Variants in NCOA2 observed in about 807,000 individuals in gnomAD.
The protein encoded by NCOA2 is nuclear receptor coactivator 2.
In NCOA2, 21 loss-of-function variants were observed where a neutral mutation model predicts 145.1. That is an observed-to-expected ratio of 0.14 (90% CI 0.10 to 0.21). The LOEUF is 0.21. Ranked by LOEUF, NCOA2 falls within the 10% of genes least tolerant of loss-of-function variation. The pLI, the probability that NCOA2 is intolerant of heterozygous loss-of-function variation, is 1.00. For missense variants in NCOA2, 1,472 were observed against 1,837.6 expected, an observed-to-expected ratio of 0.80 and a Z score of 3.64; for synonymous variants, 619 against 637.5, an observed-to-expected ratio of 0.97 and a Z score of 0.44.
chr8:70,362,820 GA>G (rs1810327459), intron 1 of NCOA2, among the ~76,000 whole-genome samples: 1 of 152,170 alleles, frequency 6.6e-6, no homozygotes, highest in East Asian at 1.9e-4. Flanking sequence ...GCTCACACCT[GA>G]AATCCCAGCA....
rs1352333994 is a variant in NCOA2 at position 70,166,588 on chromosome 8, C to T, written c.708G>A (p.Lys236=). Residue 236 remains lysine (K), a synonymous_variant, in exon 7 of 23, where the codon AAG becomes AAA. Coordinates refer to ENST00000452400, the MANE Select transcript of NCOA2 (RefSeq NM_006540.4). ...CACCTTCTCCTTCTTCTTTGATGGA[C>T]TTTGGTTGAGAGACAGCGAAGCACT... The part of the protein sequence containing the change: ...TMQCFAVSQP[K]SIKEEGEDLQ... 1.9e-5 allele frequency: 30 copies of T among 1,613,874 alleles called. No individual in the cohort carries two copies. The highest frequency in any genetic ancestry group is 2.3e-5 in the Non-Finnish European group (27 of 1,179,892).
chr8:70,403,585 T>C lies in NCOA2; in HGVS notation c.-77+115A>G, dbSNP rs574768444. 15 of 313,132 alleles carry C rather than the reference T, an allele frequency of 4.8e-5. No individual in the cohort carries two copies. In the East Asian group the frequency reaches 7.2e-4, roughly 15 times the overall value. 19.4% of individuals were successfully genotyped at this position (313,132 alleles called of 1,614,324 possible). A position where few individuals can be genotyped will look rare whatever the true frequency, so the allele number is the denominator to read the frequency against. On this transcript the variant is annotated intron_variant, in intron 1 of 22. Transcript: ENST00000452400. ...AAACAGCCTCTCGGAGGCGCACGGCTCTGTCGGAGCTCGGCGCAGGAAGGG... is the reference window on the plus strand; with the variant it reads ...AAACAGCCTCTCGGAGGCGCACGGCCCTGTCGGAGCTCGGCGCAGGAAGGG...
intron 2 of NCOA2, among the ~76,000 whole-genome samples, chr8:70,230,137 T>C (rs1821007779): frequency 6.6e-6 from 1 of 152,174 alleles, no homozygotes; most frequent in Non-Finnish European, 1.5e-5. Context: ...ACAGTTACGC[T>C]AGAAAGATTA....
chr8:70,329,371 C>T (rs1307109349), intron 1 of NCOA2, among the ~76,000 whole-genome samples: 1 of 152,056 alleles, frequency 6.6e-6, no homozygotes, highest in African/African-American at 2.4e-5. Context: ...TCAGCCTCCC[C>T]AAGTGCTGGA....
intron 2 of NCOA2, among the ~76,000 whole-genome samples, chr8:70,287,842 G>C (rs1826350012): frequency 6.6e-6 from 1 of 152,144 alleles, no homozygotes; most frequent in Non-Finnish European, 1.5e-5. Context: ...ATTAAGCCTT[G>C]TCACAGCCTT....
chr8:70,118,904 T>G (rs1807452194), intron 22 of NCOA2, among the ~76,000 whole-genome samples: 1 of 152,120 alleles, frequency 6.6e-6, no homozygotes, highest in African/African-American at 2.4e-5. Context: ...GCCAGGCTAG[T>G]CTCAAACTCT....
intron 2 of NCOA2, among the ~76,000 whole-genome samples, chr8:70,226,575 C>A (rs1409269853): frequency 6.6e-6 from 1 of 151,610 alleles, no homozygotes; most frequent in Non-Finnish European, 1.5e-5. Flanking sequence ...AAATTATTTT[C>A]TTTGGTAAAC....
upstream of NCOA2, among the ~76,000 whole-genome samples, chr8:70,403,959 C>T (rs1017893126): frequency 2.0e-5 from 3 of 152,172 alleles, no homozygotes; most frequent in African/African-American, 4.8e-5. Flanking sequence ...CCGTCCCTCC[C>T]TCTGCCTCCC....
At chr8:70,134,510 T>C (rs1405593465) in intron 15 of NCOA2, among the ~76,000 whole-genome samples, 1 of 152,196 alleles carries the variant, frequency 6.6e-6, no homozygotes, top group African/African-American at 2.4e-5. Context: ...TATGCAACCC[T>C]CCCGTCCCAG....
chr8:70,149,221 T>C (rs569552434), intron 11 of NCOA2, among the ~76,000 whole-genome samples: 2 of 151,892 alleles, frequency 1.3e-5, no homozygotes, highest in Non-Finnish European at 2.9e-5. Context: ...ATACAGAAGC[T>C]ATAAAAATGT....
intron 1 of NCOA2, among the ~76,000 whole-genome samples, chr8:70,302,411 T>C (rs1827579718): frequency 6.6e-6 from 1 of 152,314 alleles, no homozygotes; most frequent in Non-Finnish European, 1.5e-5. Context: ...TCATGATTTC[T>C]TTCTCTGTTT....
At chr8:70,431,457 C>T in the NCOA2 span, among the ~76,000 whole-genome samples, 1 of 152,270 alleles carries the variant, frequency 6.6e-6, no homozygotes, top group East Asian at 1.9e-4. Context: ...ATATATGTAG[C>T]ACTAATGCTA....
chr8:70,146,390 A>C (rs901431378), intron 12 of NCOA2, among the ~76,000 whole-genome samples: 9 of 152,250 alleles, frequency 5.9e-5, no homozygotes, highest in Non-Finnish European at 1.2e-4. Context: ...AAGATATTAC[A>C]AATTATAGTA....
chr8:70,159,222 T>TTATATATATATATATATATA (rs6150644), intron 10 of NCOA2, among the ~76,000 whole-genome samples: 5 of 44,488 alleles, frequency 1.1e-4, no homozygotes, highest in African/African-American at 3.3e-4. Flanking sequence ...CAGTATAACA[T>TTATATATATATATATATATA]TATATATATA....
chr8:70,168,207 C>T (rs1415483920), intron 6 of NCOA2, among the ~76,000 whole-genome samples: 2 of 152,040 alleles, frequency 1.3e-5, no homozygotes, highest in African/African-American at 4.8e-5. Flanking sequence ...AACAAACCCT[C>T]GAAAGGAAAA....
chr8:70,239,022 C>T (rs570287516), intron 2 of NCOA2, among the ~76,000 whole-genome samples: 2 of 152,286 alleles, frequency 1.3e-5, no homozygotes, highest in East Asian at 1.9e-4. Context: ...GTTCTGCTCA[C>T]ATTAACCTCT....
chr8:70,364,455 A>G (rs1459230565), intron 1 of NCOA2, among the ~76,000 whole-genome samples: 1 of 152,220 alleles, frequency 6.6e-6, no homozygotes, highest in Non-Finnish European at 1.5e-5. Flanking sequence ...TGAAGACAAA[A>G]TGTGGCAAAC....
At chr8:70,358,706 A>G (rs1809957092) in intron 1 of NCOA2, among the ~76,000 whole-genome samples, 1 of 152,244 alleles carries the variant, frequency 6.6e-6, no homozygotes, top group Non-Finnish European at 1.5e-5. Flanking sequence ...ACTTGGCACT[A>G]AAAGCAAAAG....
chr8:70,189,207 C>T lies in NCOA2; in HGVS notation c.260-14348G>A, dbSNP rs186555979. 2.7e-3 allele frequency among the ~76,000 whole-genome samples: 407 copies of T among 152,252 alleles called. 1 individual carries two copies. In the Middle Eastern group the frequency reaches 0.027, roughly 10 times the overall value. ...ACCAGAGCTGGCCAGGTTGAAGTGG[C>T]ATTGCTAGGCTCTTAGGTGCCACTG... On this transcript the variant is annotated intron_variant, in intron 4 of 22. Coordinates refer to ENST00000452400, the MANE Select transcript of NCOA2 (RefSeq NM_006540.4).
Sources: allele counts gnomAD v4.1 joint callset (sites outside exome capture counted in the v4.1 genomes callset), GRCh38; gene constraint gnomAD v4.1.1; transcripts MANE v1.5; gene names NCBI Gene and HGNC (gene_info 2026-07-23, HGNC 2026-07-21).